Variants in SCART1 observed in about 807,000 individuals in gnomAD.
SCART1 encodes the protein scavenger receptor cysteine-rich domain-containing protein SCART1.
Under a neutral mutation model 36.2 loss-of-function variants are expected in SCART1, and 62 were observed. That is an observed-to-expected ratio of 1.71 (90% CI 1.40 to 2.12). The LOEUF (loss-of-function observed/expected upper bound fraction) is 2.12, where lower values mean the gene tolerates loss of function less well. SCART1 is among the 30% of genes most tolerant of loss of function. The pLI is 0.00. For synonymous variants in SCART1, 487 were observed against 238.7 expected, an observed-to-expected ratio of 2.04 and a Z score of -9.59; for missense variants, 1,041 against 540.5, an observed-to-expected ratio of 1.93 and a Z score of -9.18.
intron 1 of SCART1, 51 bp downstream of exon 1, chr10:133,454,115 G>A: frequency 2.8e-6 from 2 of 702,250 alleles, no homozygotes; most frequent in Middle Eastern, 2.3e-4. Context: ...CATCAGCTCT[G>A]TTGATGCCCA....
At chr10:133,456,510 A>G (rs1178007354) in exon 2 of SCART1, 3 of 690,248 alleles carry the variant, frequency 4.3e-6, no homozygotes, top group Non-Finnish European at 8.0e-6. Flanking sequence ...TCATGGTGCC[A>G]GAGCCCGTGC....
exon 12 of SCART1, chr10:133,468,200 A>G (rs979323229): frequency 7.9e-6 from 3 of 379,282 alleles, no homozygotes; most frequent in Non-Finnish European, 1.4e-5. Context: ...TTTCCCACAC[A>G]TTACAGCAAA....
At chr10:133,460,155 G>A (rs1343918210) in exon 6 of SCART1, 1 of 506,478 alleles carries the variant, frequency 2.0e-6, no homozygotes, top group Non-Finnish European at 3.5e-6. Flanking sequence ...GGAGGACGCC[G>A]GCGTCTTCTG....
intron 5 of SCART1, 42 bp downstream of exon 5, chr10:133,459,368 G>C: frequency 1.6e-6 from 1 of 620,818 alleles, no homozygotes; most frequent in Non-Finnish European, 2.9e-6. Flanking sequence ...GTGAGTGAGA[G>C]GCATGGACAG....
At chr10:133,455,038 A>G (rs2013642) in intron 1 of SCART1, among the ~76,000 whole-genome samples, 123,938 of 151,874 alleles carry the variant, frequency 0.82, 50,833 homozygotes, top group Middle Eastern at 0.91. Context: ...AGGCTGAGGC[A>G]GGCAGTTTAC....
chr10:133,455,135 T>C (rs1051647896), intron 1 of SCART1, among the ~76,000 whole-genome samples: 5 of 151,978 alleles, frequency 3.3e-5, no homozygotes, highest in African/African-American at 1.2e-4. Context: ...GTCGTGGTAG[T>C]GGGCGCCTAT....
chr10:133,467,543 G>A (rs929490399), intron 11 of SCART1, among the ~76,000 whole-genome samples, 190 bp downstream of exon 11: 1 of 152,190 alleles, frequency 6.6e-6, no homozygotes, highest in Non-Finnish European at 1.5e-5. Context: ...AGAGTCAGTG[G>A]CTGGAGTCCC....
chr10:133,455,292 G>A (rs1380034918), intron 1 of SCART1, among the ~76,000 whole-genome samples: 3 of 152,146 alleles, frequency 2.0e-5, no homozygotes, highest in Non-Finnish European at 4.4e-5. Flanking sequence ...GCAGACACCA[G>A]CACGCATCCA....
At chr10:133,465,926 T>C in intron 9 of SCART1, 1 of 672,204 alleles carries the variant, frequency 1.5e-6, no homozygotes, top group Non-Finnish European at 2.7e-6. Flanking sequence ...GCAGCAGTGG[T>C]AACTTTCCCT....
At chr10:133,458,522 G>A (rs1340845870) in exon 4 of SCART1, 20 of 674,798 alleles carry the variant, frequency 3.0e-5, no homozygotes, top group Admixed American at 1.5e-4. Flanking sequence ...GAGGGCGCCC[G>A]CTTCGGCCGG....
chr10:133,456,553 C>T, exon 2 of SCART1: 1 of 655,758 alleles, frequency 1.5e-6, no homozygotes, highest in Non-Finnish European at 2.8e-6. Context: ...CGCTGTGCTC[C>T]AGTAAGTAGG....
At chr10:133,457,515 C>G in exon 3 of SCART1, 1 of 702,594 alleles carries the variant, frequency 1.4e-6, no homozygotes, top group East Asian at 2.7e-5. Context: ...CAGCTGCAGA[C>G]TGGACAACAA....
intron 1 of SCART1, among the ~76,000 whole-genome samples, chr10:133,454,725 C>G (rs1850587176): frequency 1.3e-5 from 2 of 152,110 alleles, no homozygotes; most frequent in African/African-American, 2.4e-5. Flanking sequence ...ACTGTCAAGG[C>G]TGGTCCAGGT....
chr10:133,468,267 A>G, exon 12 of SCART1: 1 of 240,684 alleles, frequency 4.2e-6, no homozygotes, highest in Non-Finnish European at 7.9e-6. Flanking sequence ...ACATGGTGCC[A>G]TCTTCATCTT....
At chr10:133,454,401 C>T (rs906946440) in intron 1 of SCART1, among the ~76,000 whole-genome samples, 3 of 152,104 alleles carry the variant, frequency 2.0e-5, no homozygotes, top group Non-Finnish European at 4.4e-5. Flanking sequence ...GCTCCATCCA[C>T]GTGCCCTGGA....
At chr10:133,457,121 T>A (rs1850626459) in intron 2 of SCART1, 158 bp from the exon 3 acceptor site, 1 of 605,270 alleles carries the variant, frequency 1.7e-6, no homozygotes, top group Admixed American at 3.0e-5. Context: ...GGCACAGGGG[T>A]CTCTCTGAGC....
exon 6 of SCART1, chr10:133,460,026 G>A (rs765364715): frequency 1.3e-5 from 7 of 521,892 alleles, no homozygotes; most frequent in East Asian, 3.4e-5. Flanking sequence ...CCTGGGGGCC[G>A]CACACTTCGG....
Position 133,456,588 on chromosome 10 carries a change from GGAGGAGGAGGAGTGGGAGGAC to G in SCART1, c.385+46_385+66del, listed in dbSNP as rs751833983. On this transcript the variant is annotated intron_variant, in intron 2 of 11. Coordinates refer to ENST00000640237, the Ensembl canonical transcript of SCART1. ...GGAGGAGTGAAGGGGACGGGGCTGA[GGAGGAGGAGGAGTGGGAGGAC>G]GAGGAGGAGGACTGGGAGGACGCAG... 56 of 595,864 alleles carry G rather than the reference GGAGGAGGAGGAGTGGGAGGAC, an allele frequency of 9.4e-5. 1 individual carries two copies. The highest frequency in any genetic ancestry group is 3.5e-4 in the Middle Eastern group (1 of 2,830). The allele number at this position is 595,864 out of a possible 1,614,324, so 36.9% of individuals were successfully genotyped here.
intron 10 of SCART1, chr10:133,466,907 A>T: frequency 3.3e-6 from 1 of 300,886 alleles, no homozygotes; most frequent in South Asian, 9.1e-5. Context: ...AGTGGCAGAC[A>T]TCTGCATCAG....
Sources: allele counts gnomAD v4.1 joint callset (sites outside exome capture counted in the v4.1 genomes callset), GRCh38; gene constraint gnomAD v4.1.1; transcripts MANE v1.5; gene names NCBI Gene and HGNC (gene_info 2026-07-23, HGNC 2026-07-21).